SLU7: variants seen among roughly 807,000 people sequenced by gnomAD.
SLU7 encodes pre-mRNA-splicing factor SLU7.
SLU7 carries 60 observed loss-of-function variants against 87.0 expected under a neutral mutation model. That is an observed-to-expected ratio of 0.69 (90% CI 0.56 to 0.86). SLU7 has a LOEUF of 0.86. Among genes scored for constraint, SLU7 ranks in the 40% least tolerant of loss-of-function variants. The probability of loss-of-function intolerance (pLI) is 0.00; values close to 1 mark genes in which losing one functional copy is unlikely to be tolerated. For missense variants in SLU7, 507 were observed against 686.6 expected, an observed-to-expected ratio of 0.74 and a Z score of 2.92; for synonymous variants, 197 against 222.0, an observed-to-expected ratio of 0.89 and a Z score of 1.00.
intron 1 of SLU7, among the ~76,000 whole-genome samples, chr5:160,416,624 C>T (rs1233755112): frequency 6.6e-6 from 1 of 152,206 alleles, no homozygotes; most frequent in Non-Finnish European, 1.5e-5. Flanking sequence ...ATCCCTACAT[C>T]TATCTCATCA....
chr5:160,406,591 T>G lies in SLU7; in HGVS notation c.1164A>C (p.Glu388Asp), dbSNP rs1251983723. The G allele has an allele frequency of 4.3e-6, 7 of 1,612,922 alleles. No individual in the cohort carries two copies. Among genetic ancestry groups the G allele is most frequent in the Non-Finnish European group, 5.9e-6 (7 of 1,179,498 alleles). Residue 388 changes from glutamate to aspartate, a missense_variant, in exon 12 of 16, where the codon GAA becomes GAC. Physicochemically the swap from Glu to Asp is conservative, Grantham distance 45. Around this residue, in one of 6 missense-constraint regions of SLU7, gnomAD observed 43 missense variants for 58.4 expected, o/e 0.74. Coordinates refer to ENST00000297151, the MANE Select transcript of SLU7 (RefSeq NM_006425.5). ...GQEHLDAPPA[E>D]LLLAQTEDYV... ...AGTCTTCAGTCTGGGCTAAAAGCAATTCAGCTGGAGGGGCATCCAAATGTT... is the reference window on the plus strand; with the variant it reads ...AGTCTTCAGTCTGGGCTAAAAGCAAGTCAGCTGGAGGGGCATCCAAATGTT...
chr5:160,401,819 A>C lies in SLU7; in HGVS notation c.*1466T>G, dbSNP rs1376572631. The C allele has an allele frequency of 6.6e-6, 1 of 152,232 alleles. No individual in the cohort carries two copies. Among genetic ancestry groups the C allele is most frequent in the Non-Finnish European group, 1.5e-5 (1 of 68,038 alleles). The allele number at this position is 152,232 out of a possible 1,614,324, so 9.4% of individuals were successfully genotyped here. The stretch of plus-strand genomic sequence containing the variant: ...TTGCTGTTTAATTTCATACCAATCT[A>C]AAGCTCGACACTATGTATATCCAAA... On this transcript the variant is annotated 3_prime_UTR_variant, in exon 16 of 16. Coordinates refer to ENST00000297151, the MANE Select transcript of SLU7 (RefSeq NM_006425.5).
At chr5:160,413,865 C>A (rs917386132) in intron 4 of SLU7, 34 bp downstream of exon 4, 2 of 1,423,430 alleles carry the variant, frequency 1.4e-6, no homozygotes, top group Admixed American at 2.1e-5. Context: ...AAGACTCTGA[C>A]AACGGTTTTC....
At chr5:160,413,745 A>G in intron 4 of SLU7, 125 bp from the exon 5 acceptor site, 1 of 1,038,884 alleles carries the variant, frequency 9.6e-7, no homozygotes, top group Non-Finnish European at 1.4e-6. Flanking sequence ...ACAGTAGAAA[A>G]TTTTGTTGGT....
chr5:160,416,010 A>T (rs1173992423), intron 1 of SLU7, among the ~76,000 whole-genome samples: 1 of 152,020 alleles, frequency 6.6e-6, no homozygotes, highest in African/African-American at 2.4e-5. Context: ...CTCCTGCCTC[A>T]GTCTCCCGAG....
chr5:160,403,335 T>G lies in SLU7; in HGVS notation c.1711A>C (p.Met571Leu). ...GGGTCATCTGGCCTCTGACGTTTCA[T>G]TCTATATGCCTCCATTTCCTCTTCA... ...PTEEEMEAYRMKRQRPDDPMA... is the reference protein window; with the variant it reads ...PTEEEMEAYRLKRQRPDDPMA... The change falls in exon 16 of 16, where the codon ATG becomes CTG. Residue 571 changes from methionine (M) to leucine (L), a missense_variant. By Grantham distance (15) the Met-to-Leu change is conservative. This residue lies in a region of SLU7 where 201 missense variants were observed against 213.4 expected (regional missense o/e 0.94). Transcript: ENST00000297151. 1 of 1,612,800 alleles carries G rather than the reference T, an allele frequency of 6.2e-7. No individual in the cohort carries two copies. The highest frequency in any genetic ancestry group is 8.5e-7 in the Non-Finnish European group (1 of 1,179,504).
In SLU7 at chr5:160,415,252, A is replaced by C. The variant is rs1480123934; in HGVS notation, c.43T>G (p.Ser15Ala). Residue 15 changes from serine (S) to alanine (A), a missense_variant, in exon 2 of 16, where the codon TCG (serine) becomes GCG (alanine). By Grantham distance (99) the Ser-to-Ala change is moderately conservative (BLOSUM62 1). Around this residue, in one of 6 missense-constraint regions of SLU7, gnomAD observed 33 missense variants for 37.3 expected, o/e 0.88. Transcript: ENST00000297151. Reference protein sequence around the residue: ...VVDAVNAAPLSGSKEMSLEEP... With the variant: ...VVDAVNAAPLAGSKEMSLEEP... The stretch of plus-strand genomic sequence containing the variant: ...TCCAAACTCATTTCTTTGGACCCCG[A>C]TAGGGGTGCAGCATTAACTGCATCT... The C allele has an allele frequency of 5.0e-6, 8 of 1,611,186 alleles. No homozygotes were observed. In the South Asian group the frequency reaches 8.8e-5, roughly 18 times the overall value.
chr5:160,402,213 G>C lies in SLU7; in HGVS notation c.*1072C>G, dbSNP rs1764810234. ...ACAATTTAAAAAATCTAATATTCATGATTGTTACATAGGGGCAATCACAAT... is the reference window on the plus strand; with the variant it reads ...ACAATTTAAAAAATCTAATATTCATCATTGTTACATAGGGGCAATCACAAT... On this transcript the variant is annotated 3_prime_UTR_variant, in exon 16 of 16. Transcript: ENST00000297151. 1 of 152,094 alleles carries C rather than the reference G, an allele frequency of 6.6e-6. No individual in the cohort carries two copies. The highest frequency in any genetic ancestry group is 1.5e-5 in the Non-Finnish European group (1 of 68,022). The allele number at this position is 152,094 out of a possible 1,614,324, so 9.4% of individuals were successfully genotyped here.
At chr5:160,405,820 T>C (rs1168098451) in intron 12 of SLU7, among the ~76,000 whole-genome samples, 6 of 152,116 alleles carry the variant, frequency 3.9e-5, no homozygotes, top group African/African-American at 1.4e-4. Flanking sequence ...ATTTACAAAC[T>C]AATTGGCCTA....
chr5:160,414,566 A>G (rs1765375523), intron 2 of SLU7, 94 bp from the exon 3 acceptor site: 4 of 742,734 alleles, frequency 5.4e-6, no homozygotes, highest in Non-Finnish European at 8.2e-6. Context: ...AAATCTAAGA[A>G]CAGAAATATT....
chr5:160,415,177 C>G lies in SLU7; in HGVS notation c.118G>C (p.Glu40Gln), dbSNP rs1469361891. 7.4e-6 allele frequency: 12 copies of G among 1,611,902 alleles called. No homozygotes were observed. Among genetic ancestry groups the G allele is most frequent in the Non-Finnish European group, 1.0e-5 (12 of 1,179,230 alleles). The part of the protein sequence containing the change: ...REDWRKKKEL[E>Q]EQRKLGNAPA... ...GCATTGCCCAATTTTCGCTGTTCTT[C>G]TAGCTCCTTCTTCTTTCTCCAGTCC... The change falls in exon 2 of 16, where the codon GAA becomes CAA. Residue 40 changes from glutamate (E) to glutamine (Q), a missense_variant. Coordinates refer to ENST00000297151, the MANE Select transcript of SLU7 (RefSeq NM_006425.5).
chr5:160,414,239 A>T (rs376062940), intron 3 of SLU7, 80 bp downstream of exon 3: 10 of 1,092,802 alleles, frequency 9.2e-6, no homozygotes, highest in South Asian at 9.1e-5. Context: ...TCTACTTTAA[A>T]TAGTATTGCA....
chr5:160,413,837 T>C, intron 4 of SLU7, 62 bp downstream of exon 4: 1 of 1,230,582 alleles, frequency 8.1e-7, no homozygotes, highest in South Asian at 1.3e-5. Flanking sequence ...AAGTTAGCTC[T>C]CTGACAAAGA....
At chr5:160,412,389 C>A in intron 6 of SLU7, 62 bp downstream of exon 6, 2 of 1,021,194 alleles carry the variant, frequency 2.0e-6, no homozygotes. Flanking sequence ...ATTCTTGTTT[C>A]AATTTTCATT....
At chr5:160,415,447 T>A in intron 1 of SLU7, 137 bp from the exon 2 acceptor site, 1 of 539,286 alleles carries the variant, frequency 1.9e-6, no homozygotes, top group Non-Finnish European at 3.0e-6. Context: ...AAGGGTCTCT[T>A]CCCCCTCCTC....
At chr5:160,411,113 G>T (rs935579960) in intron 6 of SLU7, among the ~76,000 whole-genome samples, 1 of 152,142 alleles carries the variant, frequency 6.6e-6, no homozygotes, top group Non-Finnish European at 1.5e-5. Flanking sequence ...GGATCCACCC[G>T]CCTTGGCCTC....
rs777067287 is a variant in SLU7, at chr5:160,407,459, AT to A, written c.1125+16del. On this transcript the variant is annotated intron_variant, in intron 11 of 15. Transcript: ENST00000297151. This position sits in a 1 kb window ranked among gnomAD's most constrained non-coding sequence, Gnocchi z 4.2. Reference sequence around the variant, plus strand: ...TCTTTAACAGAAGTTCTTCTTTAGCATTTTGGTCAAAATTACCTTTTCCAGG... The same window carrying A: ...TCTTTAACAGAAGTTCTTCTTTAGCATTTGGTCAAAATTACCTTTTCCAGG... 1 of 1,595,974 alleles carries A rather than the reference AT, an allele frequency of 6.3e-7. No individual in the cohort carries two copies. The highest frequency in any genetic ancestry group is 8.5e-7 in the Non-Finnish European group (1 of 1,174,448).
At chr5:160,418,331 A>G (rs1765541035) in intron 1 of SLU7, among the ~76,000 whole-genome samples, 1 of 152,222 alleles carries the variant, frequency 6.6e-6, no homozygotes, top group Non-Finnish European at 1.5e-5. Flanking sequence ...CTCAGCCAAG[A>G]ACACATTGTA....
intron 5 of SLU7, among the ~76,000 whole-genome samples, chr5:160,413,250 T>G (rs1470553523): frequency 2.0e-5 from 3 of 152,106 alleles, no homozygotes; most frequent in African/African-American, 4.8e-5. Context: ...AAGAATCAAA[T>G]AAGAAGAAAC....
Sources: gnomAD v4.1 joint callset for allele counts (sites outside exome capture counted in the v4.1 genomes callset) on GRCh38, gnomAD v4.1.1 for gene constraint, gnomAD v4.1.1 regional missense constraint, Gnocchi (gnomAD v3.1) non-coding constraint, MANE v1.5 for transcripts, NCBI Gene and HGNC (gene_info 2026-07-23, HGNC 2026-07-21) for gene names.